The following SLC25A48 variants were observed in gnomAD, a reference collection of about 807,000 sequenced individuals.
The protein encoded by SLC25A48 is solute carrier family 25 member 48, also known as CTC-321K16.1.
In SLC25A48, 29 loss-of-function variants were observed where a neutral mutation model predicts 32.2. The ratio of observed to expected loss-of-function variants is 0.90; its 90% CI spans 0.67 to 1.23. The LOEUF is 1.23. SLC25A48 is among the 50% of genes most tolerant of loss of function. SLC25A48 has a pLI of 0.00. For synonymous variants in SLC25A48, 164 were observed against 172.3 expected, an observed-to-expected ratio of 0.95 and a Z score of 0.38; for missense variants, 399 against 422.7, an observed-to-expected ratio of 0.94 and a Z score of 0.49.
At chr5:135,767,912 T>C (rs887419217) in intron 3 of SLC25A48, among the ~76,000 whole-genome samples, 1 of 146,992 alleles carries the variant, frequency 6.8e-6, no homozygotes, top group African/African-American at 2.6e-5. Flanking sequence ...CTACTTCCAA[T>C]ATCGCTGGGG....
intron 1 of SLC25A48, among the ~76,000 whole-genome samples, chr5:135,612,965 G>A (rs928179182): frequency 1.3e-5 from 2 of 152,142 alleles, no homozygotes; most frequent in African/African-American, 2.4e-5. Context: ...TTATATGGAA[G>A]TTTTATTTTT....
chr5:135,767,965 GA>G lies in SLC25A48; in HGVS notation c.-520-44557del, dbSNP rs200653643. Among the ~76,000 whole-genome samples the G allele has an allele frequency of 7.8e-3, 1,127 of 143,938 alleles. 38 individuals carry two copies. The highest frequency in any genetic ancestry group is 0.029 in the African/African-American group (1,063 of 36,928). The allele number at this position is 143,938 out of a possible 152,430, so 94.4% of individuals were successfully genotyped here. On this transcript the variant is annotated intron_variant, in intron 3 of 10. Transcript: ENST00000646290. ...TATTGTTTGTAATATCCGGGGGGGG[GA>G]GAGGATAATATTACTCCCAATATCA... is the stretch of plus-strand genomic sequence containing the variant.
chr5:135,683,717 C>G (rs896077214), intron 3 of SLC25A48, among the ~76,000 whole-genome samples: 7 of 152,174 alleles, frequency 4.6e-5, no homozygotes, highest in African/African-American at 1.7e-4. Flanking sequence ...GACAAATATA[C>G]CTTACAGTTT....
rs1762817543 is a variant in SLC25A48 at position 135,888,599 on chromosome 5, C to A, written c.*575C>A. The A allele has an allele frequency of 6.5e-6, 1 of 152,880 alleles. No individual in the cohort carries two copies. Among genetic ancestry groups the A allele is most frequent in the South Asian group, 2.1e-4 (1 of 4,826 alleles). 9.5% of individuals were successfully genotyped at this position (152,880 alleles called of 1,614,324 possible). On this transcript the variant is annotated 3_prime_UTR_variant, in exon 8 of 8. Transcript: ENST00000681962. ...GAGTGATTAAATCACATCCTCAGGTCTGCAGCAAATAAATGAAAGTTTCTT... is the reference window on the plus strand; with the variant it reads ...GAGTGATTAAATCACATCCTCAGGTATGCAGCAAATAAATGAAAGTTTCTT...
rs965043531 is a variant in SLC25A48, at chr5:135,629,006, G to T, written c.-848-231G>T. ...GGCCAGGAAGCTGCAGCTGGTGCTA[G>T]GTTAATTTCCAGAATTAGGCTACAG... On this transcript the variant is annotated intron_variant, in intron 1 of 10. Coordinates refer to the SLC25A48 transcript ENST00000646290. The surrounding 1 kb of genome is among the most constrained non-coding windows in gnomAD (Gnocchi z 4.8). Among the ~76,000 whole-genome samples, 17 of 152,202 alleles carry T rather than the reference G, an allele frequency of 1.1e-4. No individual in the cohort carries two copies. The highest frequency in any genetic ancestry group is 3.4e-4 in the African/African-American group (14 of 41,460).
intron 6 of SLC25A48, chr5:135,875,826 G>A (rs1436331193): frequency 6.6e-6 from 1 of 152,250 alleles, no homozygotes; most frequent in Non-Finnish European, 1.5e-5. Flanking sequence ...CCAGATTGCA[G>A]CTGGAATGTT....
intron 3 of SLC25A48, among the ~76,000 whole-genome samples, chr5:135,734,211 G>A (rs1755297342): frequency 6.6e-6 from 1 of 152,088 alleles, no homozygotes; most frequent in Admixed American, 6.6e-5. Flanking sequence ...CATACTTGTG[G>A]GTTAAGGTGG....
chr5:135,658,210 A>G (rs1580761700), intron 3 of SLC25A48, among the ~76,000 whole-genome samples: 1 of 152,232 alleles, frequency 6.6e-6, no homozygotes, highest in African/African-American at 2.4e-5. Flanking sequence ...TTCAAGATAC[A>G]ATGGAGGTAC....
rs369565851 is a variant in SLC25A48, at chr5:135,694,216, C to T, written c.-521+59260C>T. Reference sequence around the variant, plus strand: ...GATGAAACACCACGGGTCTCCTGGGCGGCCTGGTATGCTGTATTAACTATT... The same window carrying T: ...GATGAAACACCACGGGTCTCCTGGGTGGCCTGGTATGCTGTATTAACTATT... On this transcript the variant is annotated intron_variant, in intron 3 of 10. Coordinates refer to the SLC25A48 transcript ENST00000646290. Among the ~76,000 whole-genome samples the T allele has an allele frequency of 1.4e-4, 21 of 152,234 alleles. No homozygotes were observed. In the East Asian group the frequency reaches 2.7e-3, roughly 20 times the overall value.
chr5:135,820,142 T>C (rs1371058766), intron 4 of SLC25A48, among the ~76,000 whole-genome samples: 1 of 152,296 alleles, frequency 6.6e-6, no homozygotes, highest in Non-Finnish European at 1.5e-5. Context: ...AGCAGCACTA[T>C]TCACAATGGA....
intron 7 of SLC25A48, chr5:135,883,075 T>C: frequency 1.0e-6 from 1 of 985,424 alleles, no homozygotes; most frequent in Non-Finnish European, 1.2e-6. Context: ...CTCATCCCAT[T>C]AACAGGTCAA....
chr5:135,860,838 G>C (rs17169230), intron 4 of SLC25A48, among the ~76,000 whole-genome samples: 13,348 of 152,196 alleles, frequency 0.088, 1,544 homozygotes, highest in African/African-American at 0.27. Context: ...TGTGATATGA[G>C]AGACAGCACT....
chr5:135,586,220 C>T (rs765208793), intron 1 of SLC25A48, among the ~76,000 whole-genome samples: 14 of 152,262 alleles, frequency 9.2e-5, no homozygotes, highest in Non-Finnish European at 1.6e-4. Flanking sequence ...GGTGGGGGGA[C>T]GCTCCCTACC....
intron 3 of SLC25A48, among the ~76,000 whole-genome samples, chr5:135,779,235 T>C (rs915003621): frequency 7.2e-5 from 11 of 151,858 alleles, no homozygotes; most frequent in African/African-American, 2.2e-4. Flanking sequence ...CCCTGTGATA[T>C]TGTTCCTGAT....
rs562062910 is a variant in SLC25A48 at position 135,760,375 on chromosome 5, C to G, written c.-520-52148C>G. On this transcript the variant is annotated intron_variant, in intron 3 of 10. Transcript: ENST00000646290. Reference sequence around the variant, plus strand: ...TCTGCCTGTTTGACTTGGTTGGGATCCCAGTGGTCTGGGTGTTGGGGAGCT... The same window carrying G: ...TCTGCCTGTTTGACTTGGTTGGGATGCCAGTGGTCTGGGTGTTGGGGAGCT... 1.2e-4 allele frequency among the ~76,000 whole-genome samples: 19 copies of G among 152,240 alleles called. No homozygotes were observed. In the South Asian group the frequency reaches 3.3e-3, roughly 27 times the overall value.
intron 3 of SLC25A48, among the ~76,000 whole-genome samples, chr5:135,768,783 C>T (rs1257846909): frequency 6.6e-6 from 1 of 151,712 alleles, no homozygotes; most frequent in Non-Finnish European, 1.5e-5. Context: ...TGTACAACCC[C>T]TTGTGATATT....
rs1262092205 is a variant in SLC25A48, at chr5:135,780,400, A to T, written c.-520-32123A>T. On this transcript the variant is annotated intron_variant, in intron 3 of 10. Coordinates refer to the SLC25A48 transcript ENST00000646290. ...CGCGCCTGGTCAGATATTGTTTCTT[A>T]TATGCAGGCAGGGAGAGGTTGTTAT... Among the ~76,000 whole-genome samples, 9 of 116,324 alleles carry T rather than the reference A, an allele frequency of 7.7e-5. 1 individual carries two copies. The highest frequency in any genetic ancestry group is 2.3e-4 in the African/African-American group (9 of 38,428). 76.3% of individuals were successfully genotyped at this position (116,324 alleles called of 152,430 possible). A position where few individuals can be genotyped will look rare whatever the true frequency, so the allele number is the denominator to read the frequency against.
intron 3 of SLC25A48, among the ~76,000 whole-genome samples, chr5:135,808,655 C>T (rs1459434238): frequency 6.6e-6 from 1 of 152,050 alleles, no homozygotes; most frequent in Admixed American, 6.6e-5. Flanking sequence ...CTTTTCTGAT[C>T]CTGTCCTGTA....
At chr5:135,648,989 CA>C (rs1753037213) in intron 3 of SLC25A48, 2 of 152,262 alleles carry the variant, frequency 1.3e-5, no homozygotes, top group South Asian at 2.1e-4. Flanking sequence ...CTTCCAGGAA[CA>C]AGGGCTTGGA....
Sources: gnomAD v4.1 joint callset for allele counts (sites outside exome capture counted in the v4.1 genomes callset) on GRCh38, gnomAD v4.1.1 for gene constraint, Gnocchi (gnomAD v3.1) non-coding constraint, MANE v1.5 for transcripts, NCBI Gene and HGNC (gene_info 2026-07-23, HGNC 2026-07-21) for gene names.